Variants in SGCZ observed in about 807,000 individuals in gnomAD.
The protein encoded by SGCZ is sarcoglycan zeta, also known as zeta-sarcoglycan.
Under a neutral mutation model 41.3 loss-of-function variants are expected in SGCZ, and 40 were observed. That is an observed-to-expected ratio of 0.97 (90% CI 0.75 to 1.26). The LOEUF (loss-of-function observed/expected upper bound fraction) is 1.26. Ranked by LOEUF, SGCZ falls within the 50% of genes most tolerant of loss-of-function variation. The pLI is 0.00. For missense variants in SGCZ, 552 were observed against 369.8 expected (o/e 1.49, Z -4.04); for synonymous variants, 206 against 137.5 (o/e 1.50, Z -3.49).
intron 1 of SGCZ, among the ~76,000 whole-genome samples, chr8:15,162,735 T>C (rs1487568598): frequency 1.3e-5 from 2 of 152,244 alleles, no homozygotes; most frequent in African/African-American, 2.4e-5. Flanking sequence ...TTTTCTCTCA[T>C]GATCTGTGTA....
At chr8:14,116,167 T>A (rs1179125383) in intron 5 of SGCZ, among the ~76,000 whole-genome samples, 1 of 152,082 alleles carries the variant, frequency 6.6e-6, no homozygotes, top group Non-Finnish European at 1.5e-5. Flanking sequence ...GTTTATAGAT[T>A]TATCTGAAAC....
At chr8:14,477,674 T>A (rs1047811584) in intron 2 of SGCZ, among the ~76,000 whole-genome samples, 1 of 152,216 alleles carries the variant, frequency 6.6e-6, no homozygotes, top group African/African-American at 2.4e-5. Context: ...TCTAACTTTC[T>A]AAACATAAAT....
At chr8:14,609,495 G>A (rs1412269604) in intron 1 of SGCZ, among the ~76,000 whole-genome samples, 1 of 152,146 alleles carries the variant, frequency 6.6e-6, no homozygotes, top group Non-Finnish European at 1.5e-5. Flanking sequence ...CTGGCATGAT[G>A]AAAAGTACTG....
At chr8:14,455,152 A>G (rs1475418881) in intron 2 of SGCZ, among the ~76,000 whole-genome samples, 1 of 152,168 alleles carries the variant, frequency 6.6e-6, no homozygotes, top group African/African-American at 2.4e-5. Flanking sequence ...TTCCCACTAT[A>G]TAGGGAATTC....
At chr8:15,099,451 G>T (rs574992601) in intron 1 of SGCZ, among the ~76,000 whole-genome samples, 3 of 152,044 alleles carry the variant, frequency 2.0e-5, no homozygotes, top group African/African-American at 7.2e-5. Flanking sequence ...TTTGAATAAA[G>T]AACTGAAATC....
chr8:14,880,996 C>A (rs1215346189), intron 1 of SGCZ, among the ~76,000 whole-genome samples: 2 of 151,708 alleles, frequency 1.3e-5, no homozygotes, highest in African/African-American at 4.8e-5. Context: ...AGTAAGAGCC[C>A]AAAATACAAA....
At position 14,108,657 on chromosome 8, in the gene SGCZ, A is replaced by G. The variant is rs145712296; in HGVS notation, c.548-422T>C. On this transcript the variant is annotated intron_variant, in intron 5 of 7. Transcript: ENST00000382080. ...CCCTCCCACAACACGTGGGCATTAT[A>G]GGAGTACAATTCTAGATGAGATTTG... Among the ~76,000 whole-genome samples the G allele has an allele frequency of 5.1e-3, 769 of 152,276 alleles. 5 individuals are homozygous for G. The highest frequency in any genetic ancestry group is 0.018 in the African/African-American group (731 of 41,552).
chr8:14,955,761 T>C (rs1162727314), intron 1 of SGCZ, among the ~76,000 whole-genome samples: 1 of 152,194 alleles, frequency 6.6e-6, no homozygotes, highest in East Asian at 1.9e-4. Context: ...TTGGATATAA[T>C]CCAAATATCA....
intron 1 of SGCZ, among the ~76,000 whole-genome samples, chr8:14,749,148 A>C (rs1799424882): frequency 6.6e-6 from 1 of 152,154 alleles, no homozygotes; most frequent in Admixed American, 6.6e-5. Context: ...CATCCCATAA[A>C]ACTGAGATTA....
At chr8:14,251,535 C>A (rs1355836958) in intron 3 of SGCZ, among the ~76,000 whole-genome samples, 1 of 152,152 alleles carries the variant, frequency 6.6e-6, no homozygotes, top group Non-Finnish European at 1.5e-5. Context: ...AGACAGTCAG[C>A]TGCAAGCCAT....
chr8:15,090,341 T>C (rs529321952), intron 1 of SGCZ, among the ~76,000 whole-genome samples: 133 of 152,338 alleles, frequency 8.7e-4, no homozygotes, highest in African/African-American at 3.1e-3. Flanking sequence ...ACTTAAATCA[T>C]CCTGAATATG....
At chr8:14,255,926 A>G (rs552953776) in intron 3 of SGCZ, among the ~76,000 whole-genome samples, 5 of 152,244 alleles carry the variant, frequency 3.3e-5, no homozygotes, top group Admixed American at 6.5e-5. Flanking sequence ...CAATTTTGCA[A>G]TAAGGAACTA....
rs574626710 is a variant in SGCZ at position 14,797,870 on chromosome 8, G to T, written c.40-242944C>A. 2.6e-5 allele frequency among the ~76,000 whole-genome samples: 4 copies of T among 152,324 alleles called. No individual in the cohort carries two copies. In the South Asian group the frequency reaches 8.3e-4, roughly 32 times the overall value. Reference sequence around the variant, plus strand: ...TAAAGCTCAGCCAATGGCTTCGTAGGGTGAAAACCCCAAGCCTTGGCAGTT... The same window carrying T: ...TAAAGCTCAGCCAATGGCTTCGTAGTGTGAAAACCCCAAGCCTTGGCAGTT... On this transcript the variant is annotated intron_variant, in intron 1 of 7. Transcript: ENST00000382080.
chr8:14,802,035 T>C lies in SGCZ; in HGVS notation c.40-247109A>G, dbSNP rs1013746520. Among the ~76,000 whole-genome samples, 15 of 152,272 alleles carry C rather than the reference T, an allele frequency of 9.9e-5. No homozygotes were observed. The East Asian group carries it at 2.9e-3, about 29-fold the overall frequency. On this transcript the variant is annotated intron_variant, in intron 1 of 7. Transcript: ENST00000382080. ...GAAAAGAAATTAGGAAAGAGAGTAA[T>C]GTTGGAAGATGAACAAATCTTCCCT... is the stretch of plus-strand genomic sequence containing the variant.
chr8:14,522,196 T>C (rs1802810573), intron 2 of SGCZ, among the ~76,000 whole-genome samples: 1 of 152,070 alleles, frequency 6.6e-6, no homozygotes, highest in South Asian at 2.1e-4. Flanking sequence ...TTGTGGTCTA[T>C]ATTCTATAAG....
intron 1 of SGCZ, among the ~76,000 whole-genome samples, chr8:14,601,750 G>A (rs958057298): frequency 3.9e-5 from 6 of 152,258 alleles, no homozygotes; most frequent in Non-Finnish European, 5.9e-5. Flanking sequence ...GTGAAAACTG[G>A]AAAACTGGCA....
chr8:14,609,593 T>C (rs11203637), intron 1 of SGCZ, among the ~76,000 whole-genome samples: 55,565 of 151,952 alleles, frequency 0.37, 10,360 homozygotes, highest in East Asian at 0.62. Flanking sequence ...AAAAATGCTG[T>C]CATGATATTC....
chr8:15,208,259 C>T (rs1211332581), intron 1 of SGCZ, among the ~76,000 whole-genome samples: 1 of 152,110 alleles, frequency 6.6e-6, no homozygotes. Context: ...GCTAGTGATG[C>T]CATTGATTAT....
At chr8:14,465,603 T>G (rs1801026555) in intron 2 of SGCZ, among the ~76,000 whole-genome samples, 1 of 151,776 alleles carries the variant, frequency 6.6e-6, no homozygotes, top group African/African-American at 2.4e-5. Flanking sequence ...ATCTTTTATG[T>G]TGATTTTCTG....
Sources: gnomAD v4.1 joint callset for allele counts (sites outside exome capture counted in the v4.1 genomes callset) on GRCh38, gnomAD v4.1.1 for gene constraint, MANE v1.5 for transcripts, NCBI Gene and HGNC (gene_info 2026-07-23, HGNC 2026-07-21) for gene names.